Variants in MPRIP observed in about 807,000 individuals in gnomAD.
MPRIP encodes myosin phosphatase Rho-interacting protein.
A neutral mutation model predicts 234.9 loss-of-function variants in MPRIP; 59 were observed. The observed-to-expected ratio is 0.25, with a 90% CI of 0.20 to 0.31. MPRIP has a LOEUF of 0.31. MPRIP is among the 10% of genes least tolerant of loss of function. The probability of loss-of-function intolerance (pLI) is 1.00; values close to 1 mark genes in which losing one functional copy is unlikely to be tolerated. For synonymous variants in MPRIP, 1,144 were observed against 1,263.9 expected, an observed-to-expected ratio of 0.91 and a Z score of 2.01; for missense variants, 2,436 against 3,071.0, an observed-to-expected ratio of 0.79 and a Z score of 4.89.
In MPRIP at chr17:17,164,289, C is replaced by T. The variant is rs974892648; in HGVS notation, c.2698C>T (p.Arg900Trp). 7 of 1,304,062 alleles carry T rather than the reference C, an allele frequency of 5.4e-6. No homozygotes were observed. The highest frequency in any genetic ancestry group is 5.5e-5 in the East Asian group (1 of 18,038). 80.8% of individuals were successfully genotyped at this position (1,304,062 alleles called of 1,614,324 possible). A position where few individuals can be genotyped will look rare whatever the true frequency, so the allele number is the denominator to read the frequency against. The change falls in exon 16 of 24, where the codon CGG (arginine) becomes TGG (tryptophan). Residue 900 changes from arginine (R) to tryptophan (W), a missense_variant. This residue lies in a region of MPRIP where 1,998 missense variants were observed against 2,520.3 expected (regional missense o/e 0.79). Transcript: ENST00000651222. ...DTIRHHEAEIRSLQARLSNAA... is the reference protein window; with the variant it reads ...DTIRHHEAEIWSLQARLSNAA... ...GATCCGGCACCACGAGGCTGAGATC[C>T]GGAGCCTTCAGGCACGGCTCAGCAA...
intron 1 of MPRIP, among the ~76,000 whole-genome samples, chr17:17,061,480 AG>A (rs2088865629): frequency 6.6e-6 from 1 of 152,234 alleles, no homozygotes; most frequent in Non-Finnish European, 1.5e-5. Context: ...AGGATATATT[AG>A]CCACGGTTTG....
chr17:17,172,625 A>C, intron 17 of MPRIP, 73 bp from the exon 18 acceptor site: 1 of 1,191,628 alleles, frequency 8.4e-7, no homozygotes, highest in South Asian at 1.2e-5. Flanking sequence ...CATTGTGTGG[A>C]GCTCCCCACC....
At chr17:17,097,134 C>T (rs1352165191) in intron 3 of MPRIP, 1 of 196,670 alleles carries the variant, frequency 5.1e-6, no homozygotes, top group South Asian at 9.9e-5. Flanking sequence ...GTGATTCCCC[C>T]ACCTAATGTC....
intron 3 of MPRIP, among the ~76,000 whole-genome samples, chr17:17,124,837 C>T (rs973768265): frequency 5.3e-5 from 8 of 152,124 alleles, no homozygotes; most frequent in Non-Finnish European, 1.2e-4. Flanking sequence ...TGCCAGGATG[C>T]CCAGGATGAG....
intron 12 of MPRIP, among the ~76,000 whole-genome samples, chr17:17,150,788 G>A (rs1019930438): frequency 6.6e-6 from 1 of 151,020 alleles, no homozygotes; most frequent in African/African-American, 2.4e-5. Context: ...AGGACTGCCT[G>A]CAGTCAGCCA....
intron 3 of MPRIP, among the ~76,000 whole-genome samples, chr17:17,083,247 A>G (rs1248347626): frequency 6.6e-6 from 1 of 152,188 alleles, no homozygotes; most frequent in Non-Finnish European, 1.5e-5. Flanking sequence ...GCAACCTGGG[A>G]GTTTGTCAGT....
chr17:17,085,183 T>C (rs2089557574), intron 3 of MPRIP, among the ~76,000 whole-genome samples: 1 of 152,012 alleles, frequency 6.6e-6, no homozygotes, highest in African/African-American at 2.4e-5. Flanking sequence ...AACTGTGGGG[T>C]CACCCAGGCC....
chr17:17,091,013 C>T (rs1487605000), intron 3 of MPRIP, among the ~76,000 whole-genome samples: 6 of 150,930 alleles, frequency 4.0e-5, no homozygotes, highest in East Asian at 2.0e-4. Flanking sequence ...TGGAGCGTGC[C>T]GGCCACAGGG....
At chr17:17,084,413 G>A (rs894500436) in intron 3 of MPRIP, among the ~76,000 whole-genome samples, 1 of 152,182 alleles carries the variant, frequency 6.6e-6, no homozygotes. Flanking sequence ...GTGCCCGGCC[G>A]GGGCTCCTTG....
chr17:17,150,852 T>C (rs1314267451), intron 12 of MPRIP, among the ~76,000 whole-genome samples: 1 of 151,604 alleles, frequency 6.6e-6, no homozygotes, highest in Non-Finnish European at 1.5e-5. Context: ...CTCCATTTCT[T>C]TTTTTTTCCC....
intron 3 of MPRIP, among the ~76,000 whole-genome samples, chr17:17,087,632 A>G (rs2089621135): frequency 6.6e-6 from 1 of 152,222 alleles, no homozygotes; most frequent in African/African-American, 2.4e-5. Flanking sequence ...CTGTCAGAGC[A>G]TGCGGAGCAC....
intron 9 of MPRIP, among the ~76,000 whole-genome samples, chr17:17,145,499 C>T (rs1391816945): frequency 1.3e-5 from 2 of 152,196 alleles, no homozygotes; most frequent in African/African-American, 4.8e-5. Flanking sequence ...TGCCATCCTG[C>T]TTCTTGTGGG....
chr17:17,113,885 C>CTTT (rs1396154528), intron 3 of MPRIP, among the ~76,000 whole-genome samples: 5 of 98,422 alleles, frequency 5.1e-5, no homozygotes, highest in Non-Finnish European at 7.2e-5. Flanking sequence ...CTTTTCTTTT[C>CTTT]TTTTTTTTTT....
At chr17:17,127,253 G>A (rs113696061) in intron 4 of MPRIP, among the ~76,000 whole-genome samples, 37 of 152,298 alleles carry the variant, frequency 2.4e-4, no homozygotes, top group African/African-American at 6.3e-4. Flanking sequence ...CTATGAAAGC[G>A]CCAGGTTATC....
chr17:17,069,059 T>C (rs1484085306), intron 1 of MPRIP, among the ~76,000 whole-genome samples: 2 of 152,202 alleles, frequency 1.3e-5, no homozygotes, highest in African/African-American at 4.8e-5. Context: ...GATTTATTTA[T>C]TTTTCCTTTT....
intron 3 of MPRIP, among the ~76,000 whole-genome samples, chr17:17,090,870 G>T (rs1178036872): frequency 6.6e-6 from 1 of 152,256 alleles, no homozygotes; most frequent in East Asian, 1.9e-4. Context: ...GCCCAGACAC[G>T]CCCTAGCCTG....
In MPRIP at chr17:17,184,836, G is replaced by T; in HGVS notation, c.7220G>T (p.Gly2407Val). ...GTCTCTACCCAGAGTCTGAAGGAAG[G>T]CCTGACGGTGCAAGAACGGTTGAAG... is the stretch of plus-strand genomic sequence containing the variant. ...RNIRSKSLKE[G>V]LTVQERLKLF... Residue 2407 changes from glycine to valine, a missense_variant, in exon 24 of 24, where the codon GGC becomes GTC. By Grantham distance (109) the Gly-to-Val change is moderately radical. Transcript: ENST00000651222. 1 of 1,612,766 alleles carries T rather than the reference G, an allele frequency of 6.2e-7. No individual in the cohort carries two copies. The highest frequency in any genetic ancestry group is 8.5e-7 in the Non-Finnish European group (1 of 1,179,116).
At chr17:17,180,441 C>T (rs1210298202) in intron 23 of MPRIP, among the ~76,000 whole-genome samples, 2 of 152,232 alleles carry the variant, frequency 1.3e-5, no homozygotes, top group African/African-American at 2.4e-5. Context: ...CTGGTGCCGC[C>T]TCCAAGAGAT....
At chr17:17,144,595 C>G (rs557289736) in intron 9 of MPRIP, among the ~76,000 whole-genome samples, 14 of 152,150 alleles carry the variant, frequency 9.2e-5, no homozygotes, top group African/African-American at 2.9e-4. Flanking sequence ...CGGTGGCTCA[C>G]GTCTGTAATC....
Sources: gnomAD v4.1 joint callset for allele counts (sites outside exome capture counted in the v4.1 genomes callset) on GRCh38, gnomAD v4.1.1 for gene constraint, gnomAD v4.1.1 regional missense constraint, MANE v1.5 for transcripts, NCBI Gene and HGNC (gene_info 2026-07-23, HGNC 2026-07-21) for gene names.